BNIP1: variants seen among roughly 807,000 people sequenced by gnomAD.
The protein encoded by BNIP1 is vesicle transport protein SEC20.
Under a neutral mutation model 28.5 loss-of-function variants are expected in BNIP1, and 25 were observed. The observed-to-expected ratio is 0.88, with a 90% CI of 0.64 to 1.23. BNIP1 has a LOEUF of 1.23. BNIP1 is among the 50% of genes most tolerant of loss of function. The pLI is 0.00. For missense variants in BNIP1, 276 were observed against 277.0 expected, an observed-to-expected ratio of 1.00 and a Z score of 0.02; for synonymous variants, 118 against 101.7, an observed-to-expected ratio of 1.16 and a Z score of -0.96.
intron 2 of BNIP1, among the ~76,000 whole-genome samples, chr5:173,148,084 ATATATATATAT>A (rs1258194325): frequency 4.1e-3 from 70 of 16,972 alleles, no homozygotes; most frequent in Non-Finnish European, 5.2e-3. Context: ...AAAAAAAAAA[ATATATATATAT>A]ATATATATAT....
chr5:173,163,702 G>A, intron 5 of BNIP1, 23 bp from the exon 6 acceptor site: 1 of 1,556,052 alleles, frequency 6.4e-7, no homozygotes, highest in Non-Finnish European at 8.7e-7. Context: ...TCTGAGTTGG[G>A]CCTCCTTCCT....
At chr5:173,154,024 C>T (rs1444287023) in intron 2 of BNIP1, among the ~76,000 whole-genome samples, 1 of 152,140 alleles carries the variant, frequency 6.6e-6, no homozygotes, top group Non-Finnish European at 1.5e-5. Context: ...TCGGGCCTGC[C>T]CTAGGTGACA....
intron 2 of BNIP1, among the ~76,000 whole-genome samples, chr5:173,148,075 AAAAAAAAAATATATATATATATATAT>A (rs1759894357): frequency 2.0e-5 from 1 of 48,796 alleles, no homozygotes; most frequent in African/African-American, 9.6e-5. Context: ...AAAAAAAAAA[AAAAAAAAAATATATATATATATATAT>A]ATATATATAT....
chr5:173,157,540 G>A (rs979673841), intron 3 of BNIP1, among the ~76,000 whole-genome samples: 5 of 151,816 alleles, frequency 3.3e-5, no homozygotes, highest in African/African-American at 9.7e-5. Context: ...TCAGACTCCC[G>A]AGTAGCTGGG....
chr5:173,144,693 G>A (rs188125996), intron 1 of BNIP1, 64 bp downstream of exon 1: 2 of 1,551,408 alleles, frequency 1.3e-6, no homozygotes, highest in Middle Eastern at 1.7e-4. Flanking sequence ...TGGTCTGTGA[G>A]CTTGGCAGTG....
At chr5:173,157,929 T>TC (rs1199476294) in intron 3 of BNIP1, among the ~76,000 whole-genome samples, 2 of 151,150 alleles carry the variant, frequency 1.3e-5, no homozygotes, top group African/African-American at 4.9e-5. Context: ...TGTGTGTGTT[T>TC]TTTTTTTTTT....
At chr5:173,161,064 A>G (rs1480021579) in intron 5 of BNIP1, 2 of 313,364 alleles carry the variant, frequency 6.4e-6, no homozygotes, top group African/African-American at 2.2e-5. Flanking sequence ...CCCTGAGTCC[A>G]TTACCCCAGC....
At position 173,150,838 on chromosome 5, in the gene BNIP1, G is replaced by GT. The variant is rs200909657; in HGVS notation, c.178-3477dup. ...CAGCTTTTAAAAACTTTATACTTTT[G>GT]TTTTTTTGTTTTTTTTTAAGACGGA... On this transcript the variant is annotated intron_variant, in intron 2 of 5. Transcript: ENST00000351486. Among the ~76,000 whole-genome samples, 39 of 149,566 alleles carry GT rather than the reference G, an allele frequency of 2.6e-4. 1 individual carries two copies. Among genetic ancestry groups the GT allele is most frequent in the Admixed American group, 5.3e-4 (8 of 15,064 alleles).
chr5:173,155,823 C>T (rs1183742812), intron 3 of BNIP1, among the ~76,000 whole-genome samples: 2 of 152,160 alleles, frequency 1.3e-5, no homozygotes, highest in Non-Finnish European at 2.9e-5. Flanking sequence ...CTCAAGCGAT[C>T]CTCTCACCTC....
intron 3 of BNIP1, among the ~76,000 whole-genome samples, chr5:173,156,627 C>T (rs997889534): frequency 9.9e-5 from 15 of 150,762 alleles, no homozygotes; most frequent in African/African-American, 3.2e-4. Context: ...GGAGACAGAA[C>T]GAGACCCTGC....
chr5:173,157,571 T>C (rs565028454), intron 3 of BNIP1, among the ~76,000 whole-genome samples: 2 of 152,224 alleles, frequency 1.3e-5, no homozygotes, highest in South Asian at 2.1e-4. Flanking sequence ...CTCGCCATCA[T>C]GTCCAGCTAA....
In BNIP1 at chr5:173,163,780, C is replaced by T; in HGVS notation, c.546C>T (p.Gly182=). 6.2e-7 allele frequency: 1 copy of T among 1,613,144 alleles called. No individual in the cohort carries two copies. Among genetic ancestry groups the T allele is most frequent in the Non-Finnish European group, 8.5e-7 (1 of 1,179,622 alleles). The stretch of plus-strand genomic sequence containing the variant: ...ATGAAGAATTTAAGTCCATGTCGGG[C>T]ACCATCCAGCTGGGCCGGAAGCTTA... ...DANEEFKSMS[G]TIQLGRKLIT... is the part of the protein sequence containing the mutation. Residue 182 remains glycine, a synonymous_variant, in exon 6 of 6, where the codon GGC becomes GGT. Transcript: ENST00000351486.
At chr5:173,151,792 A>G in intron 2 of BNIP1, 8 of 1,537,370 alleles carry the variant, frequency 5.2e-6, no homozygotes, top group East Asian at 4.5e-5. Flanking sequence ...GTACATTTAC[A>G]TATTTATTAT....
chr5:173,151,544 T>G, intron 2 of BNIP1: 1 of 1,567,460 alleles, frequency 6.4e-7, no homozygotes, highest in South Asian at 1.2e-5. Context: ...TAAATAACTG[T>G]CATTTTTTTT....
chr5:173,163,583 C>T (rs1456943320), intron 5 of BNIP1, 142 bp from the exon 6 acceptor site: 6 of 693,538 alleles, frequency 8.7e-6, no homozygotes, highest in African/African-American at 7.3e-5. Context: ...AGCTCCTTGG[C>T]TGGTCTCCAC....
intron 2 of BNIP1, among the ~76,000 whole-genome samples, chr5:173,148,718 C>T (rs976485798): frequency 3.3e-5 from 5 of 151,478 alleles, no homozygotes; most frequent in Non-Finnish European, 5.9e-5. Flanking sequence ...CTTCATGCCC[C>T]TCTACTTGAA....
At position 173,154,496 on chromosome 5, in the gene BNIP1, A is replaced by C. The variant is rs934845852; in HGVS notation, c.269+83A>C. 1.5e-5 allele frequency: 15 copies of C among 1,032,974 alleles called. No individual in the cohort carries two copies. The South Asian group carries it at 1.6e-4, about 11-fold the overall frequency. The allele number at this position is 1,032,974 out of a possible 1,614,324, so 64.0% of individuals were successfully genotyped here. On this transcript the variant is annotated intron_variant, in intron 3 of 5. Coordinates refer to ENST00000351486, the MANE Select transcript of BNIP1 (RefSeq NM_001205.3). ...CCTTGCACGTGTGTTTGCCTGATGG[A>C]TCTGCTTTAATGCTGACTTAATGGT... is the stretch of plus-strand genomic sequence containing the variant.
intron 5 of BNIP1, chr5:173,161,228 A>G (rs1490897926): frequency 6.1e-6 from 1 of 163,822 alleles, no homozygotes; most frequent in Non-Finnish European, 1.3e-5. Flanking sequence ...CTACAATACC[A>G]TGATCACCCC....
At chr5:173,145,612 C>T (rs910821160) in intron 1 of BNIP1, among the ~76,000 whole-genome samples, 4 of 152,142 alleles carry the variant, frequency 2.6e-5, no homozygotes, top group Non-Finnish European at 5.9e-5. Context: ...ACCGTGTTAG[C>T]CAGGATGGTC....
Sources: allele counts gnomAD v4.1 joint callset (sites outside exome capture counted in the v4.1 genomes callset), GRCh38; gene constraint gnomAD v4.1.1; transcripts MANE v1.5; gene names NCBI Gene and HGNC (gene_info 2026-07-23, HGNC 2026-07-21).